Variants in ROBO2 observed in about 807,000 individuals in gnomAD.
ROBO2 encodes the protein roundabout homolog 2.
A neutral mutation model predicts 160.8 loss-of-function variants in ROBO2; 53 were observed. The observed-to-expected ratio is 0.33, with a 90% CI of 0.26 to 0.41. The LOEUF (loss-of-function observed/expected upper bound fraction) is 0.41, where lower values mean the gene tolerates loss of function less well. ROBO2 is among the 10% of genes least tolerant of loss of function. ROBO2 has a pLI of 1.00. For missense variants in ROBO2, 1,577 were observed against 1,722.4 expected (o/e 0.92, Z 1.49); for synonymous variants, 664 against 611.7 (o/e 1.09, Z -1.26).
At chr3:76,158,142 ACAG>A (rs1206683868) in intron 2 of ROBO2, among the ~76,000 whole-genome samples, 1 of 152,126 alleles carries the variant, frequency 6.6e-6, no homozygotes, top group East Asian at 1.9e-4. Flanking sequence ...ATCTAGGACT[ACAG>A]CAGAAGTATT....
At chr3:76,314,088 A>G (rs1386874073) in intron 2 of ROBO2, among the ~76,000 whole-genome samples, 1 of 152,150 alleles carries the variant, frequency 6.6e-6, no homozygotes, top group Non-Finnish European at 1.5e-5. Context: ...CATGACTCCC[A>G]AATATAGGTT....
At chr3:76,097,695 T>C (rs182909892) in intron 2 of ROBO2, among the ~76,000 whole-genome samples, 1 of 152,232 alleles carries the variant, frequency 6.6e-6, no homozygotes, top group African/African-American at 2.4e-5. Flanking sequence ...GTGGGAAACA[T>C]GTGCAGAACG....
At chr3:76,734,484 A>T (rs1286941761) in intron 2 of ROBO2, among the ~76,000 whole-genome samples, 1 of 152,216 alleles carries the variant, frequency 6.6e-6, no homozygotes, top group Non-Finnish European at 1.5e-5. Context: ...ATAAACCCAC[A>T]GCTCATAAAT....
At chr3:76,696,907 A>G (rs1347134971) in intron 2 of ROBO2, among the ~76,000 whole-genome samples, 2 of 152,168 alleles carry the variant, frequency 1.3e-5, no homozygotes, top group Admixed American at 6.6e-5. Context: ...GATGTGTTAA[A>G]TGATTTTTTC....
intron 2 of ROBO2, among the ~76,000 whole-genome samples, chr3:76,690,129 A>G (rs1388272703): frequency 6.6e-6 from 1 of 152,108 alleles, no homozygotes; most frequent in Admixed American, 6.6e-5. Context: ...GGGAGTATGG[A>G]AACATTTTCT....
At chr3:77,442,616 C>T (rs993134866) in intron 2 of ROBO2, among the ~76,000 whole-genome samples, 2 of 152,088 alleles carry the variant, frequency 1.3e-5, no homozygotes, top group Admixed American at 6.6e-5. Context: ...GGTGCTGTGA[C>T]GTGTTGTATC....
intron 2 of ROBO2, among the ~76,000 whole-genome samples, chr3:77,180,408 CTCTCTCTCTA>C (rs1285870171): frequency 1.5e-4 from 15 of 101,584 alleles, no homozygotes; most frequent in Admixed American, 3.1e-4. Flanking sequence ...CTCTCTCTCT[CTCTCTCTCTA>C]TATATATATA....
chr3:75,940,081 T>C (rs1181054136), intron 2 of ROBO2, among the ~76,000 whole-genome samples: 2 of 152,098 alleles, frequency 1.3e-5, no homozygotes, highest in Non-Finnish European at 2.9e-5. Flanking sequence ...ATAGTATGAG[T>C]AAATTATACT....
intron 2 of ROBO2, among the ~76,000 whole-genome samples, chr3:77,452,165 T>G (rs536609672): frequency 6.6e-6 from 1 of 152,288 alleles, no homozygotes; most frequent in East Asian, 1.9e-4. Context: ...GGAATAATTT[T>G]GAAAGTTGAT....
chr3:77,195,219 C>G (rs1291083590), intron 2 of ROBO2, among the ~76,000 whole-genome samples: 1 of 152,078 alleles, frequency 6.6e-6, no homozygotes, highest in Non-Finnish European at 1.5e-5. Context: ...TTTGTCATTG[C>G]ATCTTTTTAT....
rs144899551 is a variant in ROBO2, at chr3:76,147,422, G to A, written c.109+209820G>A. 4.0e-3 allele frequency among the ~76,000 whole-genome samples: 613 copies of A among 151,474 alleles called. 8 individuals are homozygous for A. Among genetic ancestry groups the A allele is most frequent in the Admixed American group, 0.026 (396 of 15,162 alleles). On this transcript the variant is annotated intron_variant, in intron 2 of 26. Coordinates refer to the ROBO2 transcript ENST00000487694. ...ATAAGTAAAGGGTGTGTGTGCATACGCATATTTTGTTTCTTATATTACAAT... is the reference window on the plus strand; with the variant it reads ...ATAAGTAAAGGGTGTGTGTGCATACACATATTTTGTTTCTTATATTACAAT...
intron 2 of ROBO2, among the ~76,000 whole-genome samples, chr3:76,683,838 C>T (rs1042287544): frequency 6.6e-5 from 10 of 152,086 alleles, no homozygotes; most frequent in Admixed American, 1.3e-4. Flanking sequence ...AATGCTGAAT[C>T]GAGTTTTATT....
In ROBO2 at chr3:77,488,426, T is replaced by C. The variant is rs1346594159; in HGVS notation, c.668-4818T>C. On this transcript the variant is annotated intron_variant, in intron 4 of 25. Coordinates refer to ENST00000461745, the Ensembl canonical transcript of ROBO2. ...GAGATTTCTTCCCCGTTTTTCAATA[T>C]GTGGTCAGACATAAGGTATTAACAT... Among the ~76,000 whole-genome samples the C allele has an allele frequency of 6.6e-5, 10 of 152,338 alleles. No homozygotes were observed. The East Asian group carries it at 1.9e-3, about 29-fold the overall frequency.
At chr3:77,355,186 C>T (rs375893049) in intron 2 of ROBO2, among the ~76,000 whole-genome samples, 17 of 151,806 alleles carry the variant, frequency 1.1e-4, no homozygotes, top group African/African-American at 2.9e-4. Context: ...CATCCCCTTA[C>T]CCCAGGAGCT....
Position 76,324,530 on chromosome 3 carries a change from G to A in ROBO2, c.109+386928G>A, listed in dbSNP as rs138845321. 5.7e-3 allele frequency among the ~76,000 whole-genome samples: 861 copies of A among 152,258 alleles called. 6 individuals carry two copies. The highest frequency in any genetic ancestry group is 0.02 in the African/African-American group (815 of 41,550). On this transcript the variant is annotated intron_variant, in intron 2 of 26. Coordinates refer to the ROBO2 transcript ENST00000487694. ...AACAAGTTAGCAATTTCTTCAATCC[G>A]TTAAATTACCTGATAGCATGTTTGC...
intron 13 of ROBO2, among the ~76,000 whole-genome samples, chr3:77,573,394 G>A (rs531258871): frequency 4.0e-5 from 6 of 151,790 alleles, no homozygotes; most frequent in African/African-American, 1.4e-4. Context: ...ATTGTCAATA[G>A]CAAACAAAAA....
intron 2 of ROBO2, among the ~76,000 whole-genome samples, chr3:76,704,402 T>G (rs949119798): frequency 1.3e-5 from 2 of 152,124 alleles, no homozygotes; most frequent in African/African-American, 4.8e-5. Flanking sequence ...AGTTATCCAT[T>G]TGTGCAAAAT....
At chr3:76,386,143 G>A (rs1157008382) in intron 2 of ROBO2, among the ~76,000 whole-genome samples, 1 of 151,938 alleles carries the variant, frequency 6.6e-6, no homozygotes, top group Non-Finnish European at 1.5e-5. Context: ...TTGATATATA[G>A]TAATATGTAT....
intron 2 of ROBO2, among the ~76,000 whole-genome samples, chr3:76,216,529 A>G: frequency 6.6e-6 from 1 of 152,210 alleles, no homozygotes; most frequent in East Asian, 1.9e-4. Flanking sequence ...GATAAAACAG[A>G]CTTTAAACCA....
Sources: allele counts gnomAD v4.1 joint callset (sites outside exome capture counted in the v4.1 genomes callset), GRCh38; gene constraint gnomAD v4.1.1; transcripts MANE v1.5; gene names NCBI Gene and HGNC (gene_info 2026-07-23, HGNC 2026-07-21).